The following GAB1 variants were observed in gnomAD, a reference collection of about 807,000 sequenced individuals.
GAB1 encodes the protein GRB2-associated-binding protein 1.
In GAB1, 19 loss-of-function variants were observed where a neutral mutation model predicts 66.5. The observed-to-expected ratio is 0.29, with a 90% CI of 0.20 to 0.42. GAB1 has a LOEUF of 0.42. Among genes scored for constraint, GAB1 ranks in the 10% least tolerant of loss-of-function variants. The pLI is 1.00. For synonymous variants in GAB1, 294 were observed against 301.4 expected, an observed-to-expected ratio of 0.98 and a Z score of 0.25; for missense variants, 732 against 858.5, an observed-to-expected ratio of 0.85 and a Z score of 1.84.
At chr4:143,401,834 A>G (rs1051439883) in intron 1 of GAB1, among the ~76,000 whole-genome samples, 2 of 132,384 alleles carry the variant, frequency 1.5e-5, no homozygotes, top group Admixed American at 7.5e-5. Context: ...GAGATTATGT[A>G]TAATTTTCGC....
chr4:143,396,531 G>C lies in GAB1; in HGVS notation c.73-18946G>C, dbSNP rs186037784. On this transcript the variant is annotated intron_variant, in intron 1 of 9. Coordinates refer to ENST00000262994, the MANE Select transcript of GAB1 (RefSeq NM_002039.4). ...TGGCTTAATGTCATTCTGGTTGAGGGACTGGAATATGTGGTGCCACTATAT... is the reference window on the plus strand; with the variant it reads ...TGGCTTAATGTCATTCTGGTTGAGGCACTGGAATATGTGGTGCCACTATAT... Among the ~76,000 whole-genome samples the C allele has an allele frequency of 2.0e-5, 3 of 152,244 alleles. 1 individual carries two copies. Among genetic ancestry groups the C allele is most frequent in the South Asian group, 4.1e-4 (2 of 4,822 alleles).
At chr4:143,425,642 A>C (rs1241186520) in intron 2 of GAB1, 1 of 761,250 alleles carries the variant, frequency 1.3e-6, no homozygotes, top group East Asian at 2.4e-5. Context: ...TCATGCCTGA[A>C]CTCTACTTCT....
intron 8 of GAB1, among the ~76,000 whole-genome samples, chr4:143,462,208 T>G (rs1022164566): frequency 2.0e-5 from 3 of 152,248 alleles, no homozygotes; most frequent in Non-Finnish European, 4.4e-5. Flanking sequence ...TTGTATTCAC[T>G]ATTTTTCAAT....
chr4:143,364,649 C>A (rs1002621464), intron 1 of GAB1, among the ~76,000 whole-genome samples: 1 of 152,054 alleles, frequency 6.6e-6, no homozygotes, highest in Non-Finnish European at 1.5e-5. Context: ...TCATCCTATG[C>A]GTGCTCATCA....
chr4:143,465,601 G>A lies in GAB1; in HGVS notation c.1804-502G>A, dbSNP rs149457910. ...GTAATTTTCCTTCTCTCTTAAATAC[G>A]TTCTTTAGAATGTATGCCTTTCAGG... On this transcript the variant is annotated intron_variant, in intron 8 of 9. Transcript: ENST00000262994. 2.1e-3 allele frequency among the ~76,000 whole-genome samples: 318 copies of A among 152,042 alleles called. 1 individual carries two copies. The highest frequency in any genetic ancestry group is 7.3e-3 in the African/African-American group (302 of 41,462).
chr4:143,355,213 G>T (rs1729395025), intron 1 of GAB1, among the ~76,000 whole-genome samples: 1 of 152,126 alleles, frequency 6.6e-6, no homozygotes, highest in South Asian at 2.1e-4. Flanking sequence ...AAGGCCAGCT[G>T]GTTTCAGCAT....
chr4:143,442,352 G>T (rs1454710536), intron 6 of GAB1, among the ~76,000 whole-genome samples: 2 of 152,100 alleles, frequency 1.3e-5, no homozygotes, highest in Non-Finnish European at 2.9e-5. Flanking sequence ...TTTGGGTGAG[G>T]TTACAAAGCT....
rs536327568 is a variant in GAB1 at position 143,388,855 on chromosome 4, A to C, written c.73-26622A>C. Reference sequence around the variant, plus strand: ...CCTGAAGCAGTATTTAAATACATTCATATTTAGAAGTTTTAAACAGTTCCT... The same window carrying C: ...CCTGAAGCAGTATTTAAATACATTCCTATTTAGAAGTTTTAAACAGTTCCT... On this transcript the variant is annotated intron_variant, in intron 1 of 9. Transcript: ENST00000262994. Among the ~76,000 whole-genome samples, 4 of 152,362 alleles carry C rather than the reference A, an allele frequency of 2.6e-5. No homozygotes were observed. In the East Asian group the frequency reaches 7.7e-4, roughly 29 times the overall value.
intron 6 of GAB1, among the ~76,000 whole-genome samples, chr4:143,445,578 A>G (rs561800036): frequency 2.6e-5 from 4 of 151,696 alleles, no homozygotes; most frequent in Non-Finnish European, 4.4e-5. Flanking sequence ...GCTGTGCAAA[A>G]CCTGTTTAGT....
chr4:143,425,586 G>C, intron 2 of GAB1: 1 of 762,958 alleles, frequency 1.3e-6, no homozygotes, highest in Non-Finnish European at 2.4e-6. Flanking sequence ...GGCTCGGGAA[G>C]TTCTGCGCGT....
intron 1 of GAB1, among the ~76,000 whole-genome samples, chr4:143,406,897 G>GT: frequency 6.6e-6 from 1 of 152,308 alleles, no homozygotes; most frequent in Middle Eastern, 3.4e-3. Flanking sequence ...AAGTGAAATG[G>GT]TACTTTCAAG....
At chr4:143,354,532 C>T (rs1183142323) in intron 1 of GAB1, among the ~76,000 whole-genome samples, 1 of 151,860 alleles carries the variant, frequency 6.6e-6, no homozygotes, top group African/African-American at 2.4e-5. Context: ...AAAAGGGTTA[C>T]AAAATATTAG....
At chr4:143,467,580 A>G (rs1735859354) in intron 9 of GAB1, among the ~76,000 whole-genome samples, 1 of 152,136 alleles carries the variant, frequency 6.6e-6, no homozygotes, top group Non-Finnish European at 1.5e-5. Flanking sequence ...TGTTTCTCCT[A>G]TCTCACACTC....
rs1735368762 is a variant in GAB1, at chr4:143,459,397, C to T, written c.1598C>T (p.Pro533Leu). The T allele has an allele frequency of 6.2e-7, 1 of 1,605,092 alleles. No homozygotes were observed. Among genetic ancestry groups the T allele is most frequent in the South Asian group, 1.1e-5 (1 of 90,900 alleles). ...LKPDRKVKPA[P>L]LEIKPLPEWE... ...TTTTTCTTTTCAGTCAAGCCAGCGC[C>T]TTTAGAAATAAAACCTTTGCCAGAA... Residue 533 changes from proline to leucine, a missense_variant, in exon 7 of 10, where the codon CCT becomes CTT. Pro to Leu is a moderately conservative substitution (Grantham distance 98). Transcript: ENST00000262994.
intron 1 of GAB1, among the ~76,000 whole-genome samples, chr4:143,400,076 G>A (rs1281527035): frequency 6.6e-6 from 1 of 151,994 alleles, no homozygotes; most frequent in Non-Finnish European, 1.5e-5. Context: ...CAGTAACTTG[G>A]ATTACGGGTG....
intron 1 of GAB1, among the ~76,000 whole-genome samples, chr4:143,370,990 A>C (rs1252363953): frequency 6.6e-6 from 1 of 152,192 alleles, no homozygotes. Context: ...ACTATTGTGA[A>C]TAGTGACGCA....
At position 143,433,558 on chromosome 4, in the gene GAB1, A is replaced by C; in HGVS notation, c.435A>C (p.Ala145=). 1 of 1,614,006 alleles carries C rather than the reference A, an allele frequency of 6.2e-7. No individual in the cohort carries two copies. Among genetic ancestry groups the C allele is most frequent in the Non-Finnish European group, 8.5e-7 (1 of 1,179,920 alleles). Residue 145 remains alanine (A), a synonymous_variant, in exon 3 of 10, where the codon GCA becomes GCC. Coordinates refer to ENST00000262994, the MANE Select transcript of GAB1 (RefSeq NM_002039.4). ...PADLPLAINT[A]PPSTQADSSS... ...ATTTACCTTTAGCTATAAATACAGC[A>C]CCACCATCCACCCAGGCAGATTCAT...
At chr4:143,454,177 C>T (rs1174484314) in intron 6 of GAB1, among the ~76,000 whole-genome samples, 3 of 152,158 alleles carry the variant, frequency 2.0e-5, no homozygotes, top group Non-Finnish European at 2.9e-5. Context: ...TAAACACATC[C>T]GTATTCTTAT....
chr4:143,382,702 A>C (rs530000583), intron 1 of GAB1, among the ~76,000 whole-genome samples: 1 of 152,248 alleles, frequency 6.6e-6, no homozygotes, highest in South Asian at 2.1e-4. Context: ...CTGAGAAACA[A>C]CACTTGGAGG....
Sources: allele counts gnomAD v4.1 joint callset (sites outside exome capture counted in the v4.1 genomes callset), GRCh38; gene constraint gnomAD v4.1.1; transcripts MANE v1.5; gene names NCBI Gene and HGNC (gene_info 2026-07-23, HGNC 2026-07-21).